Variants in PDE1C observed in about 807,000 individuals in gnomAD.
The protein encoded by PDE1C is dual specificity calcium/calmodulin-dependent 3',5'-cyclic nucleotide phosphodiesterase 1C.
Under a neutral mutation model 93.1 loss-of-function variants are expected in PDE1C, and 62 were observed. The observed-to-expected ratio is 0.67, with a 90% confidence interval of 0.54 to 0.82. PDE1C has a LOEUF of 0.82. Among genes scored for constraint, PDE1C ranks in the 40% least tolerant of loss-of-function variants. PDE1C has a pLI of 0.00. For missense variants in PDE1C, 742 were observed against 884.6 expected, an observed-to-expected ratio of 0.84 and a Z score of 2.04; for synonymous variants, 325 against 310.1, an observed-to-expected ratio of 1.05 and a Z score of -0.50.
chr7:31,977,794 T>C (rs937238386), intron 2 of PDE1C, among the ~76,000 whole-genome samples: 2 of 152,182 alleles, frequency 1.3e-5, no homozygotes, highest in Non-Finnish European at 2.9e-5. Context: ...TTAAATAAAT[T>C]AATGAATAAG....
chr7:32,107,665 CAGAA>C (rs1798398610), intron 3 of PDE1C, among the ~76,000 whole-genome samples: 2 of 151,872 alleles, frequency 1.3e-5, no homozygotes, highest in African/African-American at 4.8e-5. Flanking sequence ...ATAATTTCTT[CAGAA>C]AGAAAGAAAA....
chr7:31,789,040 T>C (rs2128655794), intron 16 of PDE1C: 1 of 152,306 alleles, frequency 6.6e-6, no homozygotes, highest in South Asian at 2.1e-4. Flanking sequence ...ATTGCCTAGC[T>C]CTCTTTCTAT....
chr7:32,378,735 T>C (rs779308941), intron 1 of PDE1C, among the ~76,000 whole-genome samples: 1 of 152,048 alleles, frequency 6.6e-6, no homozygotes, highest in African/African-American at 2.4e-5. Context: ...ATTTCCCACA[T>C]CCCTGTGATG....
chr7:31,698,422 A>C, the PDE1C span, among the ~76,000 whole-genome samples: 6,084 of 152,214 alleles, frequency 0.04, 421 homozygotes, highest in African/African-American at 0.14. Context: ...TACCAAGATG[A>C]ATGGTGGGTT....
intron 2 of PDE1C, among the ~76,000 whole-genome samples, chr7:31,901,235 G>A (rs146194939): frequency 1.3e-5 from 2 of 150,950 alleles, no homozygotes; most frequent in Non-Finnish European, 3.0e-5. Context: ...ATTACTTTTA[G>A]ATTATAAAAA....
intron 2 of PDE1C, among the ~76,000 whole-genome samples, chr7:31,885,941 A>G (rs192496628): frequency 6.6e-6 from 1 of 152,182 alleles, no homozygotes; most frequent in Admixed American, 6.5e-5. Flanking sequence ...CTATAAAAAG[A>G]AGCTATGGAA....
At chr7:32,339,575 G>GA (rs1259679847) in intron 1 of PDE1C, among the ~76,000 whole-genome samples, 3 of 152,130 alleles carry the variant, frequency 2.0e-5, no homozygotes, top group Non-Finnish European at 4.4e-5. Flanking sequence ...ATATTGCTGA[G>GA]AGGTTAAATA....
In PDE1C at chr7:31,809,060, T is replaced by C. The variant is rs201633728; in HGVS notation, c.1862A>G (p.Asn621Ser). 3 of 1,592,984 alleles carry C rather than the reference T, an allele frequency of 1.9e-6. No individual in the cohort carries two copies. The East Asian group carries it at 6.7e-5, about 36-fold the overall frequency. Residue 621 changes from asparagine (N) to serine (S), a missense_variant, in exon 16 of 18, where the codon AAC becomes AGC. Physicochemically the swap from Asn to Ser is conservative, Grantham distance 46. Transcript: ENST00000396191. ...TGTTTTCTTTGAATCATTTCCGATG[T>C]TAGAGTGATCCTTCTTGTCTGTCTT... The part of the protein sequence containing the change: ...KNKTDKKDHS[N>S]IGNDSKKTDG...
intron 2 of PDE1C, among the ~76,000 whole-genome samples, chr7:32,029,448 A>G (rs933379419): frequency 3.3e-5 from 5 of 152,142 alleles, no homozygotes; most frequent in Non-Finnish European, 2.9e-5. Context: ...CAACCTTTTC[A>G]CACTGTTTGG....
chr7:31,864,913 G>A (rs757691498), intron 7 of PDE1C, 29 bp downstream of exon 7: 3 of 1,603,244 alleles, frequency 1.9e-6, no homozygotes, highest in Non-Finnish European at 2.6e-6. Flanking sequence ...CATCTTTTGG[G>A]GAACCTAAGA....
At chr7:32,380,858 T>C (rs1309027790) in intron 1 of PDE1C, among the ~76,000 whole-genome samples, 4 of 152,034 alleles carry the variant, frequency 2.6e-5, no homozygotes, top group Non-Finnish European at 5.9e-5. Context: ...TGCAGAGGTC[T>C]TTTTTTCTCT....
chr7:32,024,375 A>G (rs1789121614), intron 2 of PDE1C, among the ~76,000 whole-genome samples: 1 of 151,600 alleles, frequency 6.6e-6, no homozygotes, highest in African/African-American at 2.4e-5. Flanking sequence ...GTATATACAG[A>G]TATGTAGATT....
intron 7 of PDE1C, among the ~76,000 whole-genome samples, chr7:31,853,070 G>A (rs189799706): frequency 6.6e-6 from 1 of 152,120 alleles, no homozygotes; most frequent in Non-Finnish European, 1.5e-5. Flanking sequence ...GCAGCAGAAA[G>A]CATCTAAATA....
chr7:32,265,498 G>A (rs1161186906), intron 1 of PDE1C, among the ~76,000 whole-genome samples: 1 of 152,202 alleles, frequency 6.6e-6, no homozygotes, highest in East Asian at 1.9e-4. Context: ...GACAGGGTTT[G>A]CCTGAGAGTA....
chr7:32,209,561 C>G (rs1250440072), intron 1 of PDE1C: 2 of 1,545,500 alleles, frequency 1.3e-6, no homozygotes, highest in Non-Finnish European at 1.7e-6. Context: ...AAAGAGGATG[C>G]AATTTAAATA....
chr7:31,819,877 A>G lies in PDE1C; in HGVS notation c.1582+3196T>C, dbSNP rs142462523. On this transcript the variant is annotated intron_variant, in intron 14 of 17. Coordinates refer to ENST00000396191, the MANE Select transcript of PDE1C (RefSeq NM_001191057.4). The stretch of plus-strand genomic sequence containing the variant: ...GAGAGAGAAAAAACAGAGAAAAGAG[A>G]GAGAAACTGACCAGAAAACCCAAAA... 3.6e-3 allele frequency among the ~76,000 whole-genome samples: 544 copies of G among 152,254 alleles called. 1 individual carries two copies. Among genetic ancestry groups the G allele is most frequent in the African/African-American group, 0.013 (520 of 41,560 alleles).
the PDE1C span, among the ~76,000 whole-genome samples, chr7:31,736,187 A>T: frequency 1.3e-5 from 2 of 151,832 alleles, no homozygotes; most frequent in Non-Finnish European, 2.9e-5. Context: ...GCAAAGACGC[A>T]CTCTCGTTCC....
chr7:32,175,094 T>C (rs1056205816), intron 2 of PDE1C, among the ~76,000 whole-genome samples: 2 of 152,108 alleles, frequency 1.3e-5, no homozygotes, highest in African/African-American at 2.4e-5. Flanking sequence ...CCCACAAAGA[T>C]ACACATTCAT....
chr7:32,301,872 C>T (rs1193888865), upstream of PDE1C, among the ~76,000 whole-genome samples: 1 of 152,194 alleles, frequency 6.6e-6, no homozygotes. Flanking sequence ...GGCCCATCAC[C>T]TGTTTTTGTG....
Sources: allele counts gnomAD v4.1 joint callset (sites outside exome capture counted in the v4.1 genomes callset), GRCh38; gene constraint gnomAD v4.1.1; transcripts MANE v1.5; gene names NCBI Gene and HGNC (gene_info 2026-07-23, HGNC 2026-07-21).